The following XG variants were observed in gnomAD, a reference collection of about 807,000 sequenced individuals.
The protein encoded by XG is Xg glycoprotein (Xg blood group).
A neutral mutation model predicts 25.7 loss-of-function variants in XG; 24 were observed. The observed-to-expected ratio is 0.93, with a 90% confidence interval of 0.68 to 1.31. XG has a LOEUF of 1.31. Among genes scored for constraint, XG ranks in the 40% most tolerant of loss-of-function variants. The pLI is 0.00. For synonymous variants in XG, 77 were observed against 69.2 expected, an observed-to-expected ratio of 1.11 and a Z score of -0.56; for missense variants, 181 against 187.6, an observed-to-expected ratio of 0.96 and a Z score of 0.21.
intron 1 of XG, 77 bp from the exon 2 acceptor site, chrX:2,770,473 G>A: frequency 6.4e-7 from 1 of 1,557,682 alleles, no homozygotes; most frequent in Non-Finnish European, 8.9e-7. Flanking sequence ...GAGGAGGGGA[G>A]CAGCATGAGG....
chrX:2,773,521 A>C (rs55780117), intron 2 of XG, among the ~76,000 whole-genome samples: 4 of 95,398 alleles, frequency 4.2e-5, no homozygotes, highest in Admixed American at 2.8e-4. Flanking sequence ...GAAGGAGAGA[A>C]GGAAGGAAGG....
At chrX:2,812,588 C>T (rs988842578) in intron 10 of XG, among the ~76,000 whole-genome samples, 2 of 111,622 alleles carry the variant, frequency 1.8e-5, no homozygotes, top group Non-Finnish European at 1.9e-5. Context: ...AAAACCTTCC[C>T]ATGCGCTCCC....
chrX:2,756,012 C>T (rs1246845505), intron 1 of XG, among the ~76,000 whole-genome samples: 2 of 152,160 alleles, frequency 1.3e-5, no homozygotes, highest in Admixed American at 6.5e-5. Flanking sequence ...CAAACCTGCA[C>T]GTCCTGCACA....
chrX:2,776,790 G>A (rs1173089218), intron 3 of XG, among the ~76,000 whole-genome samples: 4 of 151,948 alleles, frequency 2.6e-5, no homozygotes, highest in African/African-American at 7.3e-5. Flanking sequence ...GGAGCTTGCA[G>A]TGAGCCGAGA....
Position 2,752,652 on chromosome X carries a change from A to G in XG, c.61+317A>G, listed in dbSNP as rs1462159419. Among the ~76,000 whole-genome samples, 5 of 152,190 alleles carry G rather than the reference A, an allele frequency of 3.3e-5. No homozygotes were observed. In the East Asian group the frequency reaches 7.7e-4, roughly 23 times the overall value. On this transcript the variant is annotated intron_variant, in intron 1 of 10. Transcript: ENST00000644266. ...ACCTATTTAACTCCATGATTCAAGC[A>G]TGACTGGGTGTGTGTGGAATGTCAG...
chrX:2,770,539 G>T lies in XG; in HGVS notation c.62-11G>T. On this transcript the variant is annotated splice_polypyrimidine_tract_variant and intron_variant, in intron 1 of 10. Coordinates refer to ENST00000644266, the MANE Select transcript of XG (RefSeq NM_001141919.2). The stretch of plus-strand genomic sequence containing the variant: ...TCATGGGGTGACTTATGCCCTGTTT[G>T]CTCCCAATAGGTCAAAGAGACTTTG... The T allele has an allele frequency of 6.2e-7, 1 of 1,613,896 alleles. No homozygotes were observed. Among genetic ancestry groups the T allele is most frequent in the Non-Finnish European group, 8.5e-7 (1 of 1,179,838 alleles).
chrX:2,758,247 A>G (rs2050480926), intron 1 of XG, among the ~76,000 whole-genome samples: 1 of 152,042 alleles, frequency 6.6e-6, no homozygotes, highest in African/African-American at 2.4e-5. Context: ...CATTTCGTGC[A>G]GTGATTCTCT....
rs2087020589 is a variant in XG at position 2,808,063 on chromosome X, A to G, written c.419-122A>G. 5.1e-6 allele frequency: 4 copies of G among 779,179 alleles called. No homozygotes were observed. The South Asian group carries it at 9.7e-5, about 19-fold the overall frequency. The allele number at this position is 779,179 out of a possible 1,213,427, so 64.2% of individuals were successfully genotyped here. On this transcript the variant is annotated intron_variant, in intron 8 of 10. Coordinates refer to ENST00000644266, the MANE Select transcript of XG (RefSeq NM_001141919.2). ...TGTCCCCCTCCCCCCACAAGAATGTAAATTCCCTGAAAACAGGGATCTGTG... is the reference window on the plus strand; with the variant it reads ...TGTCCCCCTCCCCCCACAAGAATGTGAATTCCCTGAAAACAGGGATCTGTG...
chrX:2,754,198 G>A (rs970500756), intron 1 of XG, among the ~76,000 whole-genome samples: 15 of 152,008 alleles, frequency 9.9e-5, no homozygotes, highest in South Asian at 4.2e-4. Context: ...CCAGGGGTTC[G>A]AACAAACCTC....
At chrX:2,781,023 G>GTGTA (rs1307753097) in intron 3 of XG, among the ~76,000 whole-genome samples, 3 of 151,980 alleles carry the variant, frequency 2.0e-5, no homozygotes, top group Admixed American at 6.6e-5. Context: ...TCCCTTCACA[G>GTGTA]TGTATGAGTG....
intron 4 of XG, among the ~76,000 whole-genome samples, chrX:2,785,508 A>T (rs2086775390): frequency 9.0e-6 from 1 of 111,664 alleles, no homozygotes; most frequent in Non-Finnish European, 1.9e-5. Context: ...GGCAGATCTG[A>T]CTAACTTTTT....
At chrX:2,758,419 T>C (rs1336243050) in intron 1 of XG, among the ~76,000 whole-genome samples, 3 of 152,228 alleles carry the variant, frequency 2.0e-5, no homozygotes, top group Admixed American at 2.0e-4. Context: ...AGCGGAGCTA[T>C]GTGCTTCTTT....
intron 1 of XG, among the ~76,000 whole-genome samples, chrX:2,757,968 T>A (rs2050471207): frequency 1.2e-5 from 1 of 81,434 alleles, no homozygotes; most frequent in African/African-American, 5.9e-5. Context: ...TAAGACTCCA[T>A]CTCAAAAAAA....
chrX:2,767,580 C>T (rs188265502), intron 1 of XG, among the ~76,000 whole-genome samples: 2 of 152,272 alleles, frequency 1.3e-5, no homozygotes, highest in African/African-American at 2.4e-5. Flanking sequence ...AAAGCAATGG[C>T]GTCATGTGCA....
chrX:2,763,934 G>C (rs1157783317), intron 1 of XG, among the ~76,000 whole-genome samples: 1 of 152,164 alleles, frequency 6.6e-6, no homozygotes, highest in African/African-American at 2.4e-5. Flanking sequence ...GGTTGAGTAG[G>C]GGCTGTGTAA....
intron 3 of XG, among the ~76,000 whole-genome samples, chrX:2,776,376 G>A (rs1319801869): frequency 1.3e-5 from 2 of 151,120 alleles, no homozygotes; most frequent in South Asian, 2.1e-4. Context: ...CTATTACAAG[G>A]TGATAGACGC....
chrX:2,814,366 C>G lies in XG; in HGVS notation c.574C>G (p.Pro192Ala). The G allele has an allele frequency of 1.7e-6, 2 of 1,203,301 alleles. No homozygotes were observed. The highest frequency in any genetic ancestry group is 3.5e-5 in the African/African-American group (2 of 57,084). The change falls in exon 11 of 11, where the codon CCA (proline) becomes GCA (alanine). Residue 192 changes from proline (P) to alanine (A), a missense_variant and splice_region_variant. Physicochemically the swap from Pro to Ala is conservative, Grantham distance 27. Coordinates refer to ENST00000644266, the MANE Select transcript of XG (RefSeq NM_001141919.2). ...NRRNCFRTHE[P>A]ENV ...TTTGTTTCTAATCTTCCTTTCAGAA[C>G]CAGAAAATGTCTGAAGATGTTAAGA...
chrX:2,757,065 C>A (rs180671023), intron 1 of XG, among the ~76,000 whole-genome samples: 4 of 152,032 alleles, frequency 2.6e-5, no homozygotes, highest in Non-Finnish European at 4.4e-5. Context: ...TGACTCTTAG[C>A]GGGATGGTTG....
At position 2,770,019 on chromosome X, in the gene XG, A is replaced by C. The variant is rs370445672; in HGVS notation, c.62-531A>C. Among the ~76,000 whole-genome samples the C allele has an allele frequency of 2.6e-3, 81 of 31,476 alleles. 1 individual carries two copies. The East Asian group carries it at 0.057, about 22-fold the overall frequency. The allele number at this position is 31,476 out of a possible 152,430, so 20.6% of individuals were successfully genotyped here. On this transcript the variant is annotated intron_variant, in intron 1 of 10. Transcript: ENST00000644266. ...CAACCTAGACTCTGTGCGTGTGTGG[A>C]GGGGTGGGGGGGGCGTTGGGGGGCG...
Sources: gnomAD v4.1 joint callset for allele counts (sites outside exome capture counted in the v4.1 genomes callset) on GRCh38, gnomAD v4.1.1 for gene constraint, MANE v1.5 for transcripts, NCBI Gene and HGNC (gene_info 2026-07-23, HGNC 2026-07-21) for gene names.